LRP2: variants seen among roughly 807,000 people sequenced by gnomAD.
The protein encoded by LRP2 is low-density lipoprotein receptor-related protein 2.
In LRP2, 172 loss-of-function variants were observed where a neutral mutation model predicts 531.0. The observed-to-expected ratio is 0.32, with a 90% confidence interval of 0.29 to 0.37. LRP2 has a LOEUF of 0.37. Ranked by LOEUF, LRP2 falls within the 10% of genes least tolerant of loss-of-function variation. The pLI is 1.00. For missense variants in LRP2, 5,167 were observed against 5,868.3 expected, an observed-to-expected ratio of 0.88 and a Z score of 3.90; for synonymous variants, 1,992 against 2,027.6, an observed-to-expected ratio of 0.98 and a Z score of 0.47.
At chr2:169,141,148 A>G (rs1245375719) in intron 71 of LRP2, among the ~76,000 whole-genome samples, 1 of 152,188 alleles carries the variant, frequency 6.6e-6, no homozygotes, top group East Asian at 1.9e-4. Flanking sequence ...AGTGTCTTTT[A>G]TATTGAAGAT....
At chr2:169,146,348 C>G (rs1258175736) in intron 69 of LRP2, among the ~76,000 whole-genome samples, 1 of 152,120 alleles carries the variant, frequency 6.6e-6, no homozygotes, top group Non-Finnish European at 1.5e-5. Context: ...AAATGTTCAT[C>G]TCCTAGATAT....
At chr2:169,226,082 C>G (rs191083390) in intron 32 of LRP2, among the ~76,000 whole-genome samples, 24 of 152,328 alleles carry the variant, frequency 1.6e-4, no homozygotes, top group Non-Finnish European at 3.2e-4. Flanking sequence ...TAGGGGCAAG[C>G]ATTGTGACTG....
intron 4 of LRP2, 116 bp downstream of exon 4, chr2:169,307,165 A>G (rs1412637265): frequency 2.6e-6 from 2 of 775,770 alleles, no homozygotes; most frequent in African/African-American, 3.4e-5. Context: ...AGAGATTGCA[A>G]TAACAAGAGG....
chr2:169,338,291 A>AACGG lies in LRP2; in HGVS notation c.80-17408_80-17407insCCGT, dbSNP rs1553515970. On this transcript the variant is annotated intron_variant, in intron 1 of 78. Transcript: ENST00000649046. ...AAAGAAAGAGAAAGAAAGAAAGAAA[A>AACGG]AAGGAAGGAAGAAAGAAAGAAAGAT... 7.8e-4 allele frequency among the ~76,000 whole-genome samples: 112 copies of AACGG among 144,104 alleles called. 3 individuals carry two copies. Among genetic ancestry groups the AACGG allele is most frequent in the African/African-American group, 2.9e-3 (109 of 38,174 alleles). The allele number at this position is 144,104 out of a possible 152,430, so 94.5% of individuals were successfully genotyped here. A position where few individuals can be genotyped will look rare whatever the true frequency, so the allele number is the denominator to read the frequency against.
chr2:169,132,583 A>G lies in LRP2; in HGVS notation c.13719T>C (p.Asp4573=), dbSNP rs751093828. Residue 4573 remains aspartate, a synonymous_variant, in exon 77 of 79, where the codon GAT becomes GAC. Transcript: ENST00000649046. Reference sequence around the variant, plus strand: ...AGTCGGCAACTGTTACCTGAGTTCCATCAGCAGCTGGTGAAGTTGGGTTTG... The same window carrying G: ...AGTCGGCAACTGTTACCTGAGTTCCGTCAGCAGCTGGTGAAGTTGGGTTTG... ...PETNPTSPAA[D]GTQVTKWNLF... is the part of the protein sequence containing the mutation. The G allele has an allele frequency of 7.5e-6, 12 of 1,598,752 alleles. No homozygotes were observed. The Admixed American group carries it at 2.0e-4, about 27-fold the overall frequency.
chr2:169,292,156 T>G (rs960981060), intron 7 of LRP2, 97 bp downstream of exon 7: 1 of 966,680 alleles, frequency 1.0e-6, no homozygotes. Flanking sequence ...GAGGCTTGCT[T>G]GTCACACAAA....
chr2:169,247,891 C>T (rs1690074420), intron 19 of LRP2, among the ~76,000 whole-genome samples: 1 of 152,204 alleles, frequency 6.6e-6, no homozygotes, highest in South Asian at 2.1e-4. Context: ...GCTGAGTGCT[C>T]TTAGGCAAAT....
chr2:169,322,207 T>C (rs1209048590), intron 1 of LRP2, among the ~76,000 whole-genome samples: 1 of 152,202 alleles, frequency 6.6e-6, no homozygotes, highest in African/African-American at 2.4e-5. Context: ...AAATAAGCAA[T>C]GTGCTATCCT....
chr2:169,204,606 C>T (rs1688314328), intron 41 of LRP2, among the ~76,000 whole-genome samples: 1 of 152,166 alleles, frequency 6.6e-6, no homozygotes, highest in African/African-American at 2.4e-5. Context: ...AAAACAATAA[C>T]TTTTCCATCC....
chr2:169,358,497 T>C (rs1474805390), intron 1 of LRP2, among the ~76,000 whole-genome samples: 1 of 152,128 alleles, frequency 6.6e-6, no homozygotes, highest in Non-Finnish European at 1.5e-5. Flanking sequence ...AAGAGAAACT[T>C]TTTCAAGTAG....
In LRP2 at chr2:169,182,299, G is replaced by A. The variant is rs772229057; in HGVS notation, c.9866C>T (p.Ala3289Val). The A allele has an allele frequency of 1.7e-5, 27 of 1,613,734 alleles. No individual in the cohort carries two copies. In the South Asian group the frequency reaches 2.5e-4, roughly 15 times the overall value. The change falls in exon 51 of 79, where the codon GCC becomes GTC. Residue 3289 changes from alanine to valine, a missense_variant. By Grantham distance (64) the Ala-to-Val change is moderately conservative (BLOSUM62 0). This residue lies in a region of LRP2 where 1,129 missense variants were observed against 1,362.7 expected (regional missense o/e 0.83). Coordinates refer to ENST00000649046, the MANE Select transcript of LRP2 (RefSeq NM_004525.3). The part of the protein sequence containing the change: ...WVSRKLYWLD[A>V]RLDGLFVSDL... ...AGAGACAAAGAGGCCATCCAGGCGGGCATCCAACCAGTAGAGCTTTCTAAA... is the reference window on the plus strand; with the variant it reads ...AGAGACAAAGAGGCCATCCAGGCGGACATCCAACCAGTAGAGCTTTCTAAA...
intron 50 of LRP2, chr2:169,182,577 A>T (rs1002406111): frequency 2.2e-6 from 3 of 1,341,222 alleles, no homozygotes; most frequent in Non-Finnish European, 2.9e-6. Context: ...ACTTCATTCG[A>T]CGGGTCTGGT....
chr2:169,329,244 G>A (rs891561890), intron 1 of LRP2, among the ~76,000 whole-genome samples: 1 of 152,134 alleles, frequency 6.6e-6, no homozygotes, highest in African/African-American at 2.4e-5. Flanking sequence ...TGTGTGTAGG[G>A]TCAAAACAAC....
At position 169,307,373 on chromosome 2, in the gene LRP2, T is replaced by G. The variant is rs769445177; in HGVS notation, c.335A>C (p.Gln112Pro). 5 of 1,612,676 alleles carry G rather than the reference T, an allele frequency of 3.1e-6. No individual in the cohort carries two copies. Among genetic ancestry groups the G allele is most frequent in the Non-Finnish European group, 3.4e-6 (4 of 1,178,770 alleles). ...DCSQSTCSSH[Q>P]ITCSNGQCIP... is the part of the protein sequence containing the mutation. ...ACACTGACCATTGGAGCATGTTATC[T>G]GATGACTTGAGCATGTACTTTGTGC... The change falls in exon 4 of 79, where the codon CAG becomes CCG. Residue 112 changes from glutamine (Q) to proline (P), a missense_variant. Physicochemically the swap from Gln to Pro is moderately conservative, Grantham distance 76. Around this residue, in one of 6 missense-constraint regions of LRP2, gnomAD observed 2,811 missense variants for 3,058.0 expected, o/e 0.92. Coordinates refer to ENST00000649046, the MANE Select transcript of LRP2 (RefSeq NM_004525.3).
rs767925581 is a variant in LRP2, at chr2:169,259,049, G to T, written c.2489C>A (p.Ser830Ter). ...TVVQYLNNPR[S>*]VVVHPFAGYL... ...CCCGGCAAAAGGATGAACTACCACC[G>T]ACCGTGGGTTATTTAAATACTGAAC... Residue 830 changes from serine to a stop codon, truncating the protein, a stop_gained, in exon 17 of 79, where the codon TCG (serine) becomes TAG (stop). Coordinates refer to ENST00000649046, the MANE Select transcript of LRP2 (RefSeq NM_004525.3). LOFTEE classifies it high-confidence loss of function. 1.2e-6 allele frequency: 2 copies of T among 1,613,088 alleles called. No individual in the cohort carries two copies. Among genetic ancestry groups the T allele is most frequent in the Non-Finnish European group, 1.7e-6 (2 of 1,179,518 alleles).
At chr2:169,337,743 T>C (rs1395142729) in intron 1 of LRP2, among the ~76,000 whole-genome samples, 1 of 152,232 alleles carries the variant, frequency 6.6e-6, no homozygotes, top group African/African-American at 2.4e-5. Flanking sequence ...GGAATATATG[T>C]GTATGCATGC....
At chr2:169,216,634 G>T (rs1389168793) in intron 34 of LRP2, among the ~76,000 whole-genome samples, 1 of 152,168 alleles carries the variant, frequency 6.6e-6, no homozygotes, top group Non-Finnish European at 1.5e-5. Flanking sequence ...GCTATAACTG[G>T]AGTAGAGGCC....
intron 9 of LRP2, among the ~76,000 whole-genome samples, chr2:169,284,650 C>T (rs553871620): frequency 5.9e-5 from 9 of 152,008 alleles, no homozygotes; most frequent in Non-Finnish European, 1.2e-4. Flanking sequence ...TTCCAAGGAC[C>T]GTGACTAACC....
At chr2:169,274,401 T>A (rs558728062) in intron 14 of LRP2, among the ~76,000 whole-genome samples, 2 of 152,052 alleles carry the variant, frequency 1.3e-5, no homozygotes, top group Non-Finnish European at 2.9e-5. Flanking sequence ...CTGGCCAACA[T>A]AGTGGAAATC....
Sources: allele counts gnomAD v4.1 joint callset (sites outside exome capture counted in the v4.1 genomes callset), GRCh38; gene constraint gnomAD v4.1.1; regional missense constraint gnomAD v4.1.1; transcripts MANE v1.5; gene names NCBI Gene and HGNC (gene_info 2026-07-23, HGNC 2026-07-21).